Variants in RAP1GDS1 observed in about 807,000 individuals in gnomAD.
RAP1GDS1 encodes the protein RAP1, GTP-GDP dissociation stimulator 1.
Under a neutral mutation model 71.1 loss-of-function variants are expected in RAP1GDS1, and 35 were observed. The ratio of observed to expected loss-of-function variants is 0.49; its 90% CI spans 0.38 to 0.65. The LOEUF is 0.65. Among genes scored for constraint, RAP1GDS1 ranks in the 30% least tolerant of loss-of-function variants. The pLI is 0.00. For synonymous variants in RAP1GDS1, 229 were observed against 243.1 expected (o/e 0.94, Z 0.54); for missense variants, 663 against 706.1 (o/e 0.94, Z 0.69).
intron 5 of RAP1GDS1, among the ~76,000 whole-genome samples, chr4:98,384,364 T>C (rs1262702448): frequency 6.6e-6 from 1 of 151,702 alleles, no homozygotes; most frequent in African/African-American, 2.4e-5. Flanking sequence ...GTTCTTTATT[T>C]ACTGTTGTTC....
At chr4:98,401,909 ATTATT>A (rs1465196200) in intron 6 of RAP1GDS1, among the ~76,000 whole-genome samples, 10 of 151,872 alleles carry the variant, frequency 6.6e-5, no homozygotes, top group Non-Finnish European at 2.9e-5. Flanking sequence ...TACCAATACT[ATTATT>A]TTAAAGAAGA....
chr4:98,318,704 G>A (rs1048142720), intron 2 of RAP1GDS1, among the ~76,000 whole-genome samples: 1 of 152,170 alleles, frequency 6.6e-6, no homozygotes, highest in African/African-American at 2.4e-5. Context: ...TTGGAGTTCA[G>A]GAGCAGATAA....
intron 2 of RAP1GDS1, among the ~76,000 whole-genome samples, chr4:98,329,971 G>A (rs914372532): frequency 7.3e-5 from 11 of 151,374 alleles, no homozygotes; most frequent in East Asian, 5.8e-4. Flanking sequence ...GGTGTTTCTC[G>A]GAGAGGGGGA....
intron 12 of RAP1GDS1, among the ~76,000 whole-genome samples, chr4:98,428,030 A>G (rs1409316167): frequency 6.6e-6 from 1 of 152,184 alleles, no homozygotes; most frequent in South Asian, 2.1e-4. Flanking sequence ...ATTGAACAGA[A>G]TAGAGAACCG....
chr4:98,298,668 C>G (rs1420791722), intron 2 of RAP1GDS1, among the ~76,000 whole-genome samples: 2 of 152,134 alleles, frequency 1.3e-5, no homozygotes. Flanking sequence ...GACAATGCAC[C>G]TGGTCACCCA....
Position 98,393,803 on chromosome 4 carries a change from A to ATATT in RAP1GDS1, c.637+1725_637+1728dup, listed in dbSNP as rs760303576. ...ATATGAAAAATATAAAATCTCATCA[A>ATATT]TATTTCATATGTTGATTGCATGTTG... On this transcript the variant is annotated intron_variant, in intron 6 of 14. Transcript: ENST00000408927. 3.3e-5 allele frequency among the ~76,000 whole-genome samples: 5 copies of ATATT among 152,224 alleles called. No individual in the cohort carries two copies. In the East Asian group the frequency reaches 9.6e-4, roughly 29 times the overall value.
chr4:98,358,518 G>A (rs549438630), intron 4 of RAP1GDS1, among the ~76,000 whole-genome samples: 1 of 152,012 alleles, frequency 6.6e-6, no homozygotes, highest in Admixed American at 6.5e-5. Context: ...TACAATTCTG[G>A]TTTCCATTCA....
intron 1 of RAP1GDS1, among the ~76,000 whole-genome samples, chr4:98,268,165 T>TA (rs1383775761): frequency 2.0e-5 from 3 of 152,160 alleles, no homozygotes; most frequent in African/African-American, 7.2e-5. Context: ...TGGTTGAACA[T>TA]ACACAAATCA....
intron 2 of RAP1GDS1, among the ~76,000 whole-genome samples, chr4:98,316,049 A>T (rs1434621682): frequency 1.3e-5 from 2 of 150,254 alleles, no homozygotes; most frequent in Non-Finnish European, 3.0e-5. Context: ...ATACCAGGTA[A>T]CATACTTAAT....
At chr4:98,317,220 T>G (rs973979467) in intron 2 of RAP1GDS1, among the ~76,000 whole-genome samples, 4 of 152,176 alleles carry the variant, frequency 2.6e-5, no homozygotes, top group African/African-American at 9.7e-5. Flanking sequence ...TAGAACATCT[T>G]GCCTTGGCCT....
intron 4 of RAP1GDS1, among the ~76,000 whole-genome samples, chr4:98,366,934 G>T (rs189584175): frequency 1.3e-5 from 2 of 152,288 alleles, no homozygotes; most frequent in African/African-American, 4.8e-5. Context: ...TGACAGAAAA[G>T]AAAATTCTAT....
intron 14 of RAP1GDS1, among the ~76,000 whole-genome samples, chr4:98,437,807 A>T (rs1412390031): frequency 1.4e-4 from 20 of 141,148 alleles, no homozygotes; most frequent in South Asian, 1.1e-3. Flanking sequence ...AAAAAAAAAA[A>T]TTTTTTTTTT....
At chr4:98,392,545 A>C (rs1743869291) in intron 6 of RAP1GDS1, among the ~76,000 whole-genome samples, 1 of 152,130 alleles carries the variant, frequency 6.6e-6, no homozygotes, top group African/African-American at 2.4e-5. Flanking sequence ...TACAAAAAAT[A>C]CAAAAATTAG....
At chr4:98,294,856 A>G (rs1464360720) in intron 2 of RAP1GDS1, among the ~76,000 whole-genome samples, 1 of 152,130 alleles carries the variant, frequency 6.6e-6, no homozygotes, top group Non-Finnish European at 1.5e-5. Flanking sequence ...AGCTTTACAC[A>G]GTAACATAAT....
chr4:98,295,958 A>G (rs1043222903), intron 2 of RAP1GDS1, among the ~76,000 whole-genome samples: 1 of 152,076 alleles, frequency 6.6e-6, no homozygotes, highest in Non-Finnish European at 1.5e-5. Context: ...TGATTGAGCC[A>G]TTGCTACTTC....
chr4:98,414,845 T>C (rs984360617), intron 7 of RAP1GDS1, among the ~76,000 whole-genome samples: 1 of 152,000 alleles, frequency 6.6e-6, no homozygotes, highest in African/African-American at 2.4e-5. Context: ...TTCCTACCCA[T>C]GAGCATGGAA....
chr4:98,404,352 A>T, intron 6 of RAP1GDS1, 125 bp from the exon 7 acceptor site: 1 of 909,606 alleles, frequency 1.1e-6, no homozygotes, highest in Middle Eastern at 3.8e-4. Flanking sequence ...AATGGATTTG[A>T]TTGTTCCCAT....
At chr4:98,395,651 C>T (rs1037646860) in intron 6 of RAP1GDS1, among the ~76,000 whole-genome samples, 9 of 152,280 alleles carry the variant, frequency 5.9e-5, no homozygotes, top group African/African-American at 2.2e-4. Context: ...CTCTGTCGGT[C>T]AGCTCTGTTA....
At chr4:98,367,245 G>C (rs1019750470) in intron 4 of RAP1GDS1, among the ~76,000 whole-genome samples, 2 of 152,180 alleles carry the variant, frequency 1.3e-5, no homozygotes, top group African/African-American at 4.8e-5. Context: ...CCCAAGCCTT[G>C]GCAGCTTCTA....
Sources: gnomAD v4.1 joint callset for allele counts (sites outside exome capture counted in the v4.1 genomes callset) on GRCh38, gnomAD v4.1.1 for gene constraint, MANE v1.5 for transcripts, NCBI Gene and HGNC (gene_info 2026-07-23, HGNC 2026-07-21) for gene names.